ATG7: variants seen among roughly 807,000 people sequenced by gnomAD.
The protein encoded by ATG7 is ubiquitin-like modifier-activating enzyme ATG7.
Under a neutral mutation model 82.4 loss-of-function variants are expected in ATG7, and 70 were observed. The observed-to-expected ratio is 0.85, with a 90% CI of 0.70 to 1.04. ATG7 has a LOEUF of 1.04. ATG7 is among the 50% of genes least tolerant of loss of function. The pLI, the probability that ATG7 is intolerant of heterozygous loss-of-function variation, is 0.00. For synonymous variants in ATG7, 287 were observed against 313.0 expected (o/e 0.92, Z 0.88); for missense variants, 792 against 864.3 (o/e 0.92, Z 1.05).
intron 20 of ATG7, among the ~76,000 whole-genome samples, chr3:11,504,176 G>T (rs2153066716): frequency 6.6e-6 from 1 of 152,182 alleles, no homozygotes; most frequent in South Asian, 2.1e-4. Flanking sequence ...GATATACAAA[G>T]AATAAAAAAT....
chr3:11,437,670 A>G (rs2083482810), intron 20 of ATG7, among the ~76,000 whole-genome samples: 1 of 152,138 alleles, frequency 6.6e-6, no homozygotes, highest in Non-Finnish European at 1.5e-5. Context: ...TGGATCCAAC[A>G]ATTAACATTT....
At chr3:11,545,061 TTTCTAAGCCAAAGAAG>T (rs2071159922) in intron 20 of ATG7, among the ~76,000 whole-genome samples, 3 of 152,052 alleles carry the variant, frequency 2.0e-5, no homozygotes, top group African/African-American at 7.2e-5. Context: ...GGAGAGGAGC[TTTCTAAGCCAAAGAAG>T]CCTGTGAAAA....
chr3:11,499,299 T>C (rs2091133370), intron 20 of ATG7, among the ~76,000 whole-genome samples: 1 of 152,162 alleles, frequency 6.6e-6, no homozygotes, highest in Admixed American at 6.5e-5. Context: ...ACATACTTGC[T>C]CTTATGAAAC....
chr3:11,297,784 T>G (rs1432125348), intron 3 of ATG7, among the ~76,000 whole-genome samples: 4 of 152,182 alleles, frequency 2.6e-5, no homozygotes, highest in African/African-American at 7.2e-5. Flanking sequence ...GACAGAATTC[T>G]GACAGTTTGG....
Position 11,555,739 on chromosome 3 carries a change from G to C in ATG7, c.*896G>C, listed in dbSNP as rs1172155406. 2 of 152,332 alleles carry C rather than the reference G, an allele frequency of 1.3e-5. No individual in the cohort carries two copies. Among genetic ancestry groups the C allele is most frequent in the Non-Finnish European group, 2.9e-5 (2 of 68,114 alleles). 9.4% of individuals were successfully genotyped at this position (152,332 alleles called of 1,614,324 possible). A position where few individuals can be genotyped will look rare whatever the true frequency, so the allele number is the denominator to read the frequency against. Reference sequence around the variant, plus strand: ...CTCTTTATTCTGGGTGTGTGCAGCTGTGAGGCCCCAACCCAGGAGAGGCCA... The same window carrying C: ...CTCTTTATTCTGGGTGTGTGCAGCTCTGAGGCCCCAACCCAGGAGAGGCCA... On this transcript the variant is annotated 3_prime_UTR_variant, in exon 21 of 21. Coordinates refer to ENST00000693202, the MANE Select transcript of ATG7 (RefSeq NM_001349232.2).
chr3:11,281,612 A>C (rs1303897318), intron 2 of ATG7, among the ~76,000 whole-genome samples: 1 of 152,102 alleles, frequency 6.6e-6, no homozygotes, highest in Non-Finnish European at 1.5e-5. Context: ...ATCTCTACTA[A>C]AAATACAAAA....
intron 20 of ATG7, among the ~76,000 whole-genome samples, chr3:11,523,462 C>T (rs180764177): frequency 2.0e-5 from 3 of 152,322 alleles, no homozygotes; most frequent in East Asian, 1.9e-4. Context: ...GACTTGTTCC[C>T]GGACAACCCA....
chr3:11,510,382 T>TAA (rs369095431), intron 20 of ATG7: 346 of 348,058 alleles, frequency 9.9e-4, no homozygotes, highest in East Asian at 4.7e-3. Context: ...TGCCCCAGTT[T>TAA]AAAAAAAAAA....
chr3:11,468,574 G>A (rs536379304), intron 20 of ATG7, among the ~76,000 whole-genome samples: 10 of 152,102 alleles, frequency 6.6e-5, no homozygotes, highest in African/African-American at 2.4e-4. Flanking sequence ...TAGCCCTCTC[G>A]ATCCCCACAG....
chr3:11,431,861 T>C (rs2082921973), intron 20 of ATG7, among the ~76,000 whole-genome samples: 1 of 152,208 alleles, frequency 6.6e-6, no homozygotes, highest in South Asian at 2.1e-4. Flanking sequence ...TATATTTATA[T>C]AGAAAGGGGC....
intron 20 of ATG7, among the ~76,000 whole-genome samples, chr3:11,526,512 A>G (rs1170240500): frequency 2.0e-5 from 3 of 152,254 alleles, no homozygotes; most frequent in South Asian, 2.1e-4. Flanking sequence ...ATTATTAGCA[A>G]TGTCCCTGAT....
chr3:11,362,875 T>C lies in ATG7; in HGVS notation c.1746T>C (p.Ile582=). 1 of 1,614,100 alleles carries C rather than the reference T, an allele frequency of 6.2e-7. No homozygotes were observed. Among genetic ancestry groups the C allele is most frequent in the Non-Finnish European group, 8.5e-7 (1 of 1,179,982 alleles). Residue 582 remains isoleucine, a synonymous_variant, in exon 17 of 21, where the codon ATT becomes ATC. Transcript: ENST00000693202. The part of the protein sequence containing the change: ...CTVSRPGLAV[I]AGALAVELMV... ...TGAGTCGTCCAGGACTGGCCGTGAT[T>C]GCAGGAGCCCTGGCCGTGGAATTGA...
At chr3:11,309,455 T>C (rs1165841018) in intron 7 of ATG7, among the ~76,000 whole-genome samples, 1 of 149,780 alleles carries the variant, frequency 6.7e-6, no homozygotes, top group African/African-American at 2.5e-5. Context: ...TTGTTGATTT[T>C]TTTTTTTTGT....
chr3:11,572,379 G>A, the ATG7 span, among the ~76,000 whole-genome samples: 1 of 152,144 alleles, frequency 6.6e-6, no homozygotes. Context: ...TTTCCGGGAG[G>A]GAGGAAAATA....
intron 20 of ATG7, among the ~76,000 whole-genome samples, chr3:11,472,240 C>T (rs1248350924): frequency 1.3e-5 from 2 of 152,180 alleles, no homozygotes; most frequent in Non-Finnish European, 2.9e-5. Flanking sequence ...CCATCTCCCC[C>T]TCTTGCCTGG....
intron 3 of ATG7, among the ~76,000 whole-genome samples, chr3:11,287,616 G>A (rs1225615502): frequency 3.3e-5 from 5 of 152,218 alleles, no homozygotes; most frequent in African/African-American, 4.8e-5. Flanking sequence ...CAGTCTTTCC[G>A]GAACGTTATG....
At chr3:11,373,847 T>G (rs941931651) in intron 18 of ATG7, among the ~76,000 whole-genome samples, 1 of 152,214 alleles carries the variant, frequency 6.6e-6, no homozygotes, top group Non-Finnish European at 1.5e-5. Context: ...GGAAGTGCAA[T>G]GCAGAGCATA....
At chr3:11,543,588 C>T (rs768757899) in intron 20 of ATG7, among the ~76,000 whole-genome samples, 3 of 152,138 alleles carry the variant, frequency 2.0e-5, no homozygotes, top group Non-Finnish European at 4.4e-5. Context: ...CAAAGGGAGG[C>T]ACCGGGGTGG....
rs10664708 is a variant in ATG7, at chr3:11,396,118, G to GGAA, written c.1956+16066_1956+16067insGAA. Among the ~76,000 whole-genome samples the GGAA allele has an allele frequency of 6.3e-3, 917 of 144,458 alleles. 31 individuals carry two copies. The highest frequency in any genetic ancestry group is 0.054 in the Admixed American group (787 of 14,544). The allele number at this position is 144,458 out of a possible 152,430, so 94.8% of individuals were successfully genotyped here. A position where few individuals can be genotyped will look rare whatever the true frequency, so the allele number is the denominator to read the frequency against. ...CCAAAACGTTAAATCAGAAGTATAG[G>GGAA]AAAAAAAAAAAAGTATAGAAAGTGG... On this transcript the variant is annotated intron_variant, in intron 19 of 20. Coordinates refer to ENST00000693202, the MANE Select transcript of ATG7 (RefSeq NM_001349232.2).
Sources: gnomAD v4.1 joint callset for allele counts (sites outside exome capture counted in the v4.1 genomes callset) on GRCh38, gnomAD v4.1.1 for gene constraint, MANE v1.5 for transcripts, NCBI Gene and HGNC (gene_info 2026-07-23, HGNC 2026-07-21) for gene names.